Variants in TSPAN15 observed in about 807,000 individuals in gnomAD.
TSPAN15 encodes the protein tetraspanin 15, also known as tetraspanin-15.
In TSPAN15, 20 loss-of-function variants were observed where a neutral mutation model predicts 34.5. The observed-to-expected ratio is 0.58, with a 90% confidence interval of 0.41 to 0.84. The LOEUF (loss-of-function observed/expected upper bound fraction) is 0.84. Among genes scored for constraint, TSPAN15 ranks in the 40% least tolerant of loss-of-function variants. The pLI is 0.00. For missense variants in TSPAN15, 313 were observed against 386.1 expected, an observed-to-expected ratio of 0.81 and a Z score of 1.59; for synonymous variants, 155 against 153.9, an observed-to-expected ratio of 1.01 and a Z score of -0.05.
the TSPAN15 span, among the ~76,000 whole-genome samples, chr10:69,526,622 G>A: frequency 2.7e-5 from 4 of 147,120 alleles, 1 homozygote; most frequent in East Asian, 1.0e-3. Context: ...GTGAGACCCT[G>A]TCTCTACAAA....
At chr10:69,532,529 T>C in the TSPAN15 span, among the ~76,000 whole-genome samples, 118 of 152,236 alleles carry the variant, frequency 7.8e-4, no homozygotes, top group Non-Finnish European at 1.5e-3. Flanking sequence ...AAAAATCAAC[T>C]CAAGATGGAT....
the TSPAN15 span, among the ~76,000 whole-genome samples, chr10:69,517,037 C>A: frequency 6.6e-6 from 1 of 152,210 alleles, no homozygotes; most frequent in East Asian, 1.9e-4. Flanking sequence ...TGTGGCCAAA[C>A]CTTTGTCCCT....
downstream of TSPAN15, among the ~76,000 whole-genome samples, chr10:69,508,951 C>T (rs945236978): frequency 1.6e-4 from 24 of 152,334 alleles, no homozygotes; most frequent in African/African-American, 4.6e-4. Flanking sequence ...TCACTGTAGC[C>T]GCTGCTGCAG....
chr10:69,463,293 G>A (rs1201781642), intron 1 of TSPAN15, among the ~76,000 whole-genome samples: 1 of 152,220 alleles, frequency 6.6e-6, no homozygotes, highest in East Asian at 1.9e-4. Context: ...AGCTGGCTGT[G>A]ATCTCCAGGT....
chr10:69,506,799 G>C lies in TSPAN15; in HGVS notation c.736-30G>C. The C allele has an allele frequency of 1.3e-6, 2 of 1,554,620 alleles. No individual in the cohort carries two copies. Among genetic ancestry groups the C allele is most frequent in the Non-Finnish European group, 1.7e-6 (2 of 1,148,448 alleles). On this transcript the variant is annotated intron_variant, in intron 7 of 7. Coordinates refer to ENST00000373290, the MANE Select transcript of TSPAN15 (RefSeq NM_012339.5). This position sits in a 1 kb window ranked among gnomAD's most constrained non-coding sequence, Gnocchi z 4.7. ...GGAGGGCTGCCCTGATTCCCAGCAG[G>C]CCCTCACCAGCCCTGCCCCTTCTTC...
At chr10:69,479,716 A>C (rs896343433) in intron 1 of TSPAN15, among the ~76,000 whole-genome samples, 1 of 152,246 alleles carries the variant, frequency 6.6e-6, no homozygotes, top group Non-Finnish European at 1.5e-5. Context: ...TCAGAGATGT[A>C]AATATCATTT....
chr10:69,507,877 G>C (rs1267626044), downstream of TSPAN15, among the ~76,000 whole-genome samples: 1 of 151,608 alleles, frequency 6.6e-6, no homozygotes, highest in African/African-American at 2.4e-5. Flanking sequence ...GAAACAGCCT[G>C]GGCCAGGTAC....
intron 4 of TSPAN15, among the ~76,000 whole-genome samples, chr10:69,496,317 G>T (rs1842079909): frequency 8.9e-6 from 1 of 112,620 alleles, no homozygotes; most frequent in Non-Finnish European, 1.8e-5. Context: ...AAATCTGTTG[G>T]TGCAATAATA....
chr10:69,549,345 C>T, the TSPAN15 span, among the ~76,000 whole-genome samples: 1 of 152,098 alleles, frequency 6.6e-6, no homozygotes, highest in Non-Finnish European at 1.5e-5. Flanking sequence ...CTTGCCTTTC[C>T]CTGAGGAGTT....
chr10:69,504,913 A>T (rs915489715), intron 6 of TSPAN15, among the ~76,000 whole-genome samples: 1 of 152,076 alleles, frequency 6.6e-6, no homozygotes, highest in African/African-American at 2.4e-5. Flanking sequence ...TCTAGGAGAG[A>T]AGCAGGGGTG....
the TSPAN15 span, among the ~76,000 whole-genome samples, chr10:69,524,166 G>C: frequency 6.8e-6 from 1 of 147,854 alleles, no homozygotes; most frequent in Non-Finnish European, 1.5e-5. Context: ...TTTAGTTATA[G>C]CGTATCCATA....
chr10:69,473,213 G>A (rs1436500104), intron 1 of TSPAN15, among the ~76,000 whole-genome samples: 3 of 152,236 alleles, frequency 2.0e-5, no homozygotes, highest in African/African-American at 7.2e-5. Context: ...AGGCTGGAGT[G>A]CAGTGGCACG....
intron 1 of TSPAN15, among the ~76,000 whole-genome samples, chr10:69,455,146 C>A (rs1841057098): frequency 9.5e-6 from 1 of 105,126 alleles, no homozygotes; most frequent in South Asian, 3.5e-4. Flanking sequence ...TGGTGACAGT[C>A]TCAAAAAAAA....
intron 4 of TSPAN15, 53 bp downstream of exon 4, chr10:69,495,742 A>T: frequency 7.9e-7 from 1 of 1,272,522 alleles, no homozygotes; most frequent in Non-Finnish European, 1.1e-6. Flanking sequence ...TTAGCCCCCC[A>T]TTCAGGCCCC....
chr10:69,528,554 G>A, the TSPAN15 span, among the ~76,000 whole-genome samples: 20,194 of 148,344 alleles, frequency 0.14, 3,282 homozygotes, highest in East Asian at 0.24. Flanking sequence ...AGCCCTATTG[G>A]TTACAGCTCT....
At chr10:69,479,756 T>C (rs557202734) in intron 1 of TSPAN15, among the ~76,000 whole-genome samples, 14 of 152,220 alleles carry the variant, frequency 9.2e-5, no homozygotes, top group Non-Finnish European at 1.8e-4. Context: ...GGAAGGTTTA[T>C]GCTGGCCTCT....
the TSPAN15 span, chr10:69,523,530 G>A: frequency 2.2e-6 from 1 of 459,570 alleles, no homozygotes; most frequent in Non-Finnish European, 4.2e-6. Context: ...CCTTGTCAAA[G>A]AGCTCCTTCC....
the TSPAN15 span, among the ~76,000 whole-genome samples, chr10:69,545,311 T>C: frequency 6.6e-6 from 1 of 152,164 alleles, no homozygotes; most frequent in Non-Finnish European, 1.5e-5. Flanking sequence ...CACCCTGGGC[T>C]TTGGGGACTT....
At chr10:69,473,982 C>T (rs1564604083) in intron 1 of TSPAN15, among the ~76,000 whole-genome samples, 1 of 152,188 alleles carries the variant, frequency 6.6e-6, no homozygotes, top group Non-Finnish European at 1.5e-5. Flanking sequence ...GAAACTACAT[C>T]TAACATTAAA....
Sources: allele counts gnomAD v4.1 joint callset (sites outside exome capture counted in the v4.1 genomes callset), GRCh38; gene constraint gnomAD v4.1.1; non-coding constraint Gnocchi (gnomAD v3.1); transcripts MANE v1.5; gene names NCBI Gene and HGNC (gene_info 2026-07-23, HGNC 2026-07-21).